The following UST variants were observed in gnomAD, a reference collection of about 807,000 sequenced individuals.
UST encodes the protein chondroitin sulfate 2-O-sulfotransferase.
Under a neutral mutation model 45.6 loss-of-function variants are expected in UST, and 21 were observed. The ratio of observed to expected loss-of-function variants is 0.46; its 90% confidence interval spans 0.33 to 0.66. The LOEUF (loss-of-function observed/expected upper bound fraction) is 0.66. Among genes scored for constraint, UST ranks in the 30% least tolerant of loss-of-function variants. The pLI is 0.02. For synonymous variants in UST, 215 were observed against 200.6 expected (o/e 1.07, Z -0.61); for missense variants, 463 against 512.4 (o/e 0.90, Z 0.93).
At chr6:148,755,978 G>A (rs1776088303) in intron 1 of UST, among the ~76,000 whole-genome samples, 1 of 151,416 alleles carries the variant, frequency 6.6e-6, no homozygotes, top group South Asian at 2.1e-4. Flanking sequence ...TTTACATTAG[G>A]TATATCTCCT....
chr6:148,922,993 G>A (rs9390635), intron 2 of UST, among the ~76,000 whole-genome samples: 4,835 of 151,794 alleles, frequency 0.032, 178 homozygotes, highest in East Asian at 0.13. Context: ...GAGTTTCACC[G>A]TGTTGGCCAG....
At chr6:148,871,315 C>T (rs1202584858) in intron 1 of UST, among the ~76,000 whole-genome samples, 2 of 152,104 alleles carry the variant, frequency 1.3e-5, no homozygotes, top group African/African-American at 4.8e-5. Flanking sequence ...GCTACTTAGG[C>T]CACCTAGTCG....
chr6:149,045,457 T>C (rs1260645817), intron 7 of UST, among the ~76,000 whole-genome samples: 1 of 152,192 alleles, frequency 6.6e-6, no homozygotes, highest in Non-Finnish European at 1.5e-5. Context: ...AGGGCAAACA[T>C]ATTTTTGAGC....
At chr6:148,921,801 G>T (rs892191768) in intron 2 of UST, among the ~76,000 whole-genome samples, 1 of 152,106 alleles carries the variant, frequency 6.6e-6, no homozygotes, top group South Asian at 2.1e-4. Context: ...CCATGGTCTG[G>T]TGCCTCTGGA....
In UST at chr6:148,867,319, CACACACACATAT is replaced by C. The variant is rs1387576536; in HGVS notation, c.248-19665_248-19654del. ...ACACACACACACACACACACACACA[CACACACACATAT>C]ATATGTACGTATGTATGTATTTTTG... is the stretch of plus-strand genomic sequence containing the variant. On this transcript the variant is annotated intron_variant, in intron 1 of 7. Transcript: ENST00000367463. Among the ~76,000 whole-genome samples, 6 of 145,864 alleles carry C rather than the reference CACACACACATAT, an allele frequency of 4.1e-5. No individual in the cohort carries two copies. In the East Asian group the frequency reaches 6.2e-4, roughly 15 times the overall value.
At chr6:148,982,074 C>T (rs890646463) in intron 5 of UST, among the ~76,000 whole-genome samples, 14 of 149,878 alleles carry the variant, frequency 9.3e-5, no homozygotes, top group African/African-American at 3.2e-4. Flanking sequence ...GAAGGGCAAG[C>T]GAGTGAACTC....
chr6:148,941,281 A>G lies in UST; in HGVS notation c.294A>G (p.Val98=), dbSNP rs201925696. The G allele has an allele frequency of 9.9e-6, 16 of 1,612,788 alleles. No homozygotes were observed. Among genetic ancestry groups the G allele is most frequent in the Non-Finnish European group, 1.3e-5 (15 of 1,179,658 alleles). Residue 98 remains valine, a splice_region_variant and synonymous_variant, in exon 3 of 8, where the codon GTA becomes GTG. Transcript: ENST00000367463. ...LDDHGPPPSK[V]LPFPSQVVYN... is the part of the protein sequence containing the mutation. Reference sequence around the variant, plus strand: ...TGTTCTCTTGGTTTTTTTCCCAGGTACTACCTTTCCCAAGCCAGGTGGTGT... The same window carrying G: ...TGTTCTCTTGGTTTTTTTCCCAGGTGCTACCTTTCCCAAGCCAGGTGGTGT...
At chr6:148,836,761 A>G (rs1283595085) in intron 1 of UST, among the ~76,000 whole-genome samples, 1 of 152,194 alleles carries the variant, frequency 6.6e-6, no homozygotes, top group African/African-American at 2.4e-5. Context: ...AAGTATCCAG[A>G]CAGGGGCGGG....
At chr6:148,920,713 A>G (rs1384409777) in intron 2 of UST, among the ~76,000 whole-genome samples, 1 of 152,104 alleles carries the variant, frequency 6.6e-6, no homozygotes, top group Non-Finnish European at 1.5e-5. Flanking sequence ...TGTGTTTTGT[A>G]GAGATGAGAT....
intron 4 of UST, among the ~76,000 whole-genome samples, chr6:148,958,402 G>T (rs1174338951): frequency 2.0e-5 from 3 of 152,150 alleles, no homozygotes; most frequent in Admixed American, 1.3e-4. Flanking sequence ...CTTGCACACT[G>T]GGTTGCTGTT....
chr6:148,905,316 C>T (rs1779335451), intron 2 of UST, among the ~76,000 whole-genome samples: 1 of 152,138 alleles, frequency 6.6e-6, no homozygotes, highest in South Asian at 2.1e-4. Flanking sequence ...GTGCAGGGCT[C>T]CTCTGCCCCT....
chr6:148,956,894 G>A (rs115890836), intron 4 of UST, among the ~76,000 whole-genome samples: 2,447 of 152,312 alleles, frequency 0.016, 59 homozygotes, highest in African/African-American at 0.055. Context: ...TGGTCACAGG[G>A]CTTCCCCTAG....
chr6:148,769,740 G>C (rs1776385802), intron 1 of UST, among the ~76,000 whole-genome samples: 2 of 142,394 alleles, frequency 1.4e-5, no homozygotes, highest in South Asian at 4.5e-4. Context: ...AGGAATGTAG[G>C]AGCCTGTGTT....
intron 5 of UST, among the ~76,000 whole-genome samples, chr6:149,012,165 A>G (rs771140791): frequency 6.6e-6 from 1 of 152,238 alleles, no homozygotes; most frequent in Non-Finnish European, 1.5e-5. Context: ...GACACTTCCC[A>G]TCTCAACTAG....
chr6:149,015,033 G>T (rs1360808021), intron 5 of UST, among the ~76,000 whole-genome samples: 2 of 152,078 alleles, frequency 1.3e-5, no homozygotes, highest in Non-Finnish European at 2.9e-5. Context: ...TGAAGAGGGG[G>T]TGTGGGAGTA....
intron 7 of UST, among the ~76,000 whole-genome samples, chr6:149,048,519 G>A (rs1776426000): frequency 7.8e-6 from 1 of 127,494 alleles, no homozygotes; most frequent in Middle Eastern, 3.9e-3. Context: ...CTGGGCAATA[G>A]AGTGAGACTG....
intron 3 of UST, among the ~76,000 whole-genome samples, chr6:148,949,080 C>T (rs1780305659): frequency 6.6e-6 from 1 of 151,994 alleles, no homozygotes; most frequent in Non-Finnish European, 1.5e-5. Context: ...CACCTGAGGT[C>T]AGGAGTTCAA....
At chr6:148,867,621 G>T (rs1316665017) in intron 1 of UST, among the ~76,000 whole-genome samples, 1 of 152,096 alleles carries the variant, frequency 6.6e-6, no homozygotes, top group Non-Finnish European at 1.5e-5. Flanking sequence ...AGATCTGATG[G>T]TTTGATAAGG....
Position 149,074,155 on chromosome 6 carries a change from C to A in UST, c.*39C>A, listed in dbSNP as rs752848129. 6.3e-7 allele frequency: 1 copy of A among 1,593,602 alleles called. No individual in the cohort carries two copies. The highest frequency in any genetic ancestry group is 8.6e-7 in the Non-Finnish European group (1 of 1,167,556). ...CCTCTATGGCTTTATCTCCCTTTTCCAGAAAGTTCTTTGTTTGGGGAAGTA... is the reference window on the plus strand; with the variant it reads ...CCTCTATGGCTTTATCTCCCTTTTCAAGAAAGTTCTTTGTTTGGGGAAGTA... On this transcript the variant is annotated 3_prime_UTR_variant, in exon 8 of 8. Coordinates refer to ENST00000367463, the MANE Select transcript of UST (RefSeq NM_005715.3).
Sources: gnomAD v4.1 joint callset for allele counts (sites outside exome capture counted in the v4.1 genomes callset) on GRCh38, gnomAD v4.1.1 for gene constraint, MANE v1.5 for transcripts, NCBI Gene and HGNC (gene_info 2026-07-23, HGNC 2026-07-21) for gene names.